Variants in FAT3 observed in about 807,000 individuals in gnomAD.
FAT3 encodes the protein protocadherin Fat 3.
In FAT3, 95 loss-of-function variants were observed where a neutral mutation model predicts 310.2. The observed-to-expected ratio is 0.31, with a 90% CI of 0.26 to 0.36. The LOEUF is 0.36. Ranked by LOEUF, FAT3 falls within the 10% of genes least tolerant of loss-of-function variation. The probability of loss-of-function intolerance (pLI) is 1.00; values close to 1 mark genes in which losing one functional copy is unlikely to be tolerated. For synonymous variants in FAT3, 2,314 were observed against 2,192.9 expected, an observed-to-expected ratio of 1.06 and a Z score of -1.54; for missense variants, 5,408 against 5,715.6, an observed-to-expected ratio of 0.95 and a Z score of 1.74.
intron 22 of FAT3, among the ~76,000 whole-genome samples, chr11:92,867,919 G>T (rs867416084): frequency 1.6e-3 from 222 of 142,056 alleles, no homozygotes; most frequent in African/African-American, 5.5e-3. Flanking sequence ...TTAAAAAAAA[G>T]CAAAAGATTT....
chr11:92,403,299 TC>T (rs1171126186), intron 2 of FAT3: 3 of 152,226 alleles, frequency 2.0e-5, no homozygotes, highest in African/African-American at 4.8e-5. Context: ...TCTTCTAAGT[TC>T]CCACACTCAA....
At chr11:92,836,044 G>T (rs1490292567) in intron 15 of FAT3, among the ~76,000 whole-genome samples, 1 of 152,040 alleles carries the variant, frequency 6.6e-6, no homozygotes, top group Non-Finnish European at 1.5e-5. Flanking sequence ...CACCCCTCAG[G>T]CCCACTCTGC....
intron 1 of FAT3, among the ~76,000 whole-genome samples, chr11:92,340,382 C>A (rs1464524144): frequency 6.6e-6 from 1 of 152,088 alleles, no homozygotes; most frequent in Non-Finnish European, 1.5e-5. Flanking sequence ...TGATACCTGG[C>A]CCCTTAGTTG....
At chr11:92,297,792 T>G (rs1946889599) in intron 1 of FAT3, among the ~76,000 whole-genome samples, 1 of 152,182 alleles carries the variant, frequency 6.6e-6, no homozygotes, top group African/African-American at 2.4e-5. Flanking sequence ...TCAATTCTGC[T>G]TCAGTGGACT....
At chr11:92,627,086 G>T (rs1941366431) in intron 3 of FAT3, among the ~76,000 whole-genome samples, 1 of 152,186 alleles carries the variant, frequency 6.6e-6, no homozygotes, top group Admixed American at 6.5e-5. Flanking sequence ...ATCTATGAAT[G>T]TCTTACTTTT....
intron 3 of FAT3, among the ~76,000 whole-genome samples, chr11:92,694,218 CCCATACCA>C (rs1362936557): frequency 6.6e-6 from 1 of 152,184 alleles, no homozygotes; most frequent in Non-Finnish European, 1.5e-5. Flanking sequence ...ACTCCCTATC[CCCATACCA>C]CCTCATCTGA....
At chr11:92,580,794 T>C (rs1451446751) in intron 3 of FAT3, among the ~76,000 whole-genome samples, 1 of 152,084 alleles carries the variant, frequency 6.6e-6, no homozygotes, top group Non-Finnish European at 1.5e-5. Context: ...CTCTTGGGGA[T>C]ATGTGGCTGA....
intron 1 of FAT3, among the ~76,000 whole-genome samples, chr11:92,268,558 T>A (rs1472295244): frequency 2.0e-5 from 3 of 152,116 alleles, no homozygotes; most frequent in African/African-American, 7.2e-5. Flanking sequence ...CCATTCTTTG[T>A]AAAAGTTTGG....
chr11:92,679,160 A>C (rs759926351), intron 3 of FAT3, among the ~76,000 whole-genome samples: 1 of 152,138 alleles, frequency 6.6e-6, no homozygotes. Context: ...ATAGTATTCC[A>C]TTGTGTATAT....
intron 16 of FAT3, 135 bp from the exon 17 acceptor site, chr11:92,837,528 C>T: frequency 9.4e-7 from 1 of 1,063,794 alleles, no homozygotes; most frequent in Admixed American, 2.7e-5. Flanking sequence ...TGCCAAGAAT[C>T]ACCCGGTCTG....
chr11:92,570,624 G>T (rs755955408), intron 3 of FAT3, among the ~76,000 whole-genome samples: 5 of 152,124 alleles, frequency 3.3e-5, no homozygotes, highest in African/African-American at 1.2e-4. Context: ...GGGTATTTAT[G>T]TGCAGATAAT....
chr11:92,455,820 C>T (rs560074134), intron 2 of FAT3, among the ~76,000 whole-genome samples: 2 of 152,278 alleles, frequency 1.3e-5, no homozygotes, highest in Admixed American at 1.3e-4. Context: ...CCAATAAACA[C>T]ACAATAAATG....
At chr11:92,857,112 C>T in intron 19 of FAT3, 102 bp from the exon 20 acceptor site, 1 of 1,557,804 alleles carries the variant, frequency 6.4e-7, no homozygotes, top group Non-Finnish European at 8.8e-7. Context: ...TATCCCAGCT[C>T]TTGAGCCATT....
intron 4 of FAT3, among the ~76,000 whole-genome samples, chr11:92,719,262 A>G (rs565631823): frequency 6.6e-6 from 1 of 152,266 alleles, no homozygotes; most frequent in African/African-American, 2.4e-5. Flanking sequence ...AGTTCAGCCA[A>G]CTTATAGAAG....
intron 3 of FAT3, among the ~76,000 whole-genome samples, chr11:92,630,987 C>T (rs1266959160): frequency 6.6e-6 from 1 of 152,118 alleles, no homozygotes; most frequent in Non-Finnish European, 1.5e-5. Context: ...AAGCAGTGAG[C>T]TTAAGGGCTA....
Position 92,896,310 on chromosome 11 carries a change from A to AAAAAG in FAT3, c.*5212_*5216dup, listed in dbSNP as rs1246216058. ...TCAGTCTTGTGTTCTTTTTCTAAAAAAAAAGAAAAGAAAAGAAAAAAAAAA... is the reference window on the plus strand; with the variant it reads ...TCAGTCTTGTGTTCTTTTTCTAAAAAAAAAGAAAAGAAAAGAAAAGAAAAAAAAAA... On this transcript the variant is annotated 3_prime_UTR_variant, in exon 28 of 28. Transcript: ENST00000525166. 1 of 151,700 alleles carries AAAAAG rather than the reference A, an allele frequency of 6.6e-6. No individual in the cohort carries two copies. The highest frequency in any genetic ancestry group is 1.5e-5 in the Non-Finnish European group (1 of 67,942). The allele number at this position is 151,700 out of a possible 1,614,324, so 9.4% of individuals were successfully genotyped here.
chr11:92,789,862 G>A (rs1591734495), intron 7 of FAT3, 81 bp from the exon 8 acceptor site: 4 of 1,450,372 alleles, frequency 2.8e-6, no homozygotes, highest in African/African-American at 2.8e-5. Context: ...GGGAAGCGGG[G>A]AGAAAAAGAG....
chr11:92,840,111 T>C (rs1948499738), intron 17 of FAT3, among the ~76,000 whole-genome samples: 1 of 152,148 alleles, frequency 6.6e-6, no homozygotes, highest in Non-Finnish European at 1.5e-5. Context: ...CCCCAAAAAA[T>C]CTAATGCTGT....
At chr11:92,516,718 A>G (rs894763629) in intron 2 of FAT3, among the ~76,000 whole-genome samples, 2 of 152,182 alleles carry the variant, frequency 1.3e-5, no homozygotes, top group African/African-American at 4.8e-5. Context: ...TGCAAATGAC[A>G]TGATTGTATA....
Sources: gnomAD v4.1 joint callset for allele counts (sites outside exome capture counted in the v4.1 genomes callset) on GRCh38, gnomAD v4.1.1 for gene constraint, MANE v1.5 for transcripts, NCBI Gene and HGNC (gene_info 2026-07-23, HGNC 2026-07-21) for gene names.